Variants in CNDP1 observed in about 807,000 individuals in gnomAD.
CNDP1 encodes the protein carnosine dipeptidase 1, also known as beta-Ala-His dipeptidase.
A neutral mutation model predicts 58.1 loss-of-function variants in CNDP1; 44 were observed. The ratio of observed to expected loss-of-function variants is 0.76; its 90% confidence interval spans 0.60 to 0.97. The LOEUF is 0.97. Among genes scored for constraint, CNDP1 ranks in the 50% least tolerant of loss-of-function variants. The pLI is 0.00. For synonymous variants in CNDP1, 254 were observed against 252.6 expected, an observed-to-expected ratio of 1.01 and a Z score of -0.05; for missense variants, 616 against 655.1, an observed-to-expected ratio of 0.94 and a Z score of 0.65.
chr18:74,581,288 G>A (rs980542916), intron 10 of CNDP1, among the ~76,000 whole-genome samples: 2 of 150,024 alleles, frequency 1.3e-5, no homozygotes, highest in Non-Finnish European at 3.0e-5. Flanking sequence ...TTGCTTGGAC[G>A]TTGGACGGAC....
rs1419788219 is a variant in CNDP1 at position 74,544,442 on chromosome 18, C to T, written c.24+9751C>T. Among the ~76,000 whole-genome samples, 4 of 152,170 alleles carry T rather than the reference C, an allele frequency of 2.6e-5. No homozygotes were observed. The East Asian group carries it at 5.8e-4, about 22-fold the overall frequency. ...GTTATATAGTGATAAGAAGGCCGGGCACGGTGACTCATGCCTGTAATCCCA... is the reference window on the plus strand; with the variant it reads ...GTTATATAGTGATAAGAAGGCCGGGTACGGTGACTCATGCCTGTAATCCCA... On this transcript the variant is annotated intron_variant, in intron 1 of 11. Transcript: ENST00000358821.
intron 1 of CNDP1, among the ~76,000 whole-genome samples, chr18:74,548,830 AC>A (rs1193006530): frequency 2.0e-5 from 3 of 152,230 alleles, no homozygotes; most frequent in Non-Finnish European, 4.4e-5. Context: ...AGCAAAGCTC[AC>A]CCATGTTATG....
In CNDP1 at chr18:74,559,539, G is replaced by T. The variant is rs1981133361; in HGVS notation, c.303+67G>T. 15 of 1,492,002 alleles carry T rather than the reference G, an allele frequency of 1.0e-5. No individual in the cohort carries two copies. The Admixed American group carries it at 1.7e-4, about 17-fold the overall frequency. The allele number at this position is 1,492,002 out of a possible 1,614,324, so 92.4% of individuals were successfully genotyped here. On this transcript the variant is annotated intron_variant, in intron 3 of 11. Transcript: ENST00000358821. The stretch of plus-strand genomic sequence containing the variant: ...AGACGTCAGTCATGCCTTCCCGGGG[G>T]TGGCAAGGGAGAGGCTCACCCTGAT...
chr18:74,561,983 G>A (rs1403728341), intron 4 of CNDP1, 64 bp from the exon 5 acceptor site: 8 of 1,361,004 alleles, frequency 5.9e-6, no homozygotes, highest in Middle Eastern at 1.8e-4. Context: ...AAACGACATT[G>A]GTTTTTAACT....
At chr18:74,549,459 A>C (rs1324965347) in intron 1 of CNDP1, among the ~76,000 whole-genome samples, 1 of 152,172 alleles carries the variant, frequency 6.6e-6, no homozygotes, top group Non-Finnish European at 1.5e-5. Flanking sequence ...CTTCAGCCTC[A>C]AAGAGTGAGT....
At chr18:74,579,218 C>CCTTG (rs1981722285) in intron 9 of CNDP1, among the ~76,000 whole-genome samples, 4 of 140,194 alleles carry the variant, frequency 2.9e-5, no homozygotes, top group South Asian at 4.6e-4. Flanking sequence ...CCCTTCCCTT[C>CCTTG]CCTTCCCTTC....
intron 1 of CNDP1, among the ~76,000 whole-genome samples, chr18:74,547,879 G>A (rs928367116): frequency 1.4e-4 from 22 of 152,150 alleles, no homozygotes; most frequent in Non-Finnish European, 7.4e-5. Context: ...CTCAGCACAG[G>A]GGCACTTGGA....
At chr18:74,570,517 G>C (rs1981452914) in intron 6 of CNDP1, among the ~76,000 whole-genome samples, 1 of 151,990 alleles carries the variant, frequency 6.6e-6, no homozygotes, top group African/African-American at 2.4e-5. Flanking sequence ...GAATGTGTTT[G>C]GCTATGTCCT....
chr18:74,574,369 C>T (rs1048118887), intron 7 of CNDP1, among the ~76,000 whole-genome samples: 7 of 152,346 alleles, frequency 4.6e-5, no homozygotes, highest in Middle Eastern at 3.4e-3. Context: ...GTTTACAAAT[C>T]GAGCTCTAAC....
chr18:74,547,881 G>T (rs1489322655), intron 1 of CNDP1, among the ~76,000 whole-genome samples: 2 of 152,176 alleles, frequency 1.3e-5, no homozygotes, highest in African/African-American at 4.8e-5. Flanking sequence ...CAGCACAGGG[G>T]CACTTGGAAC....
rs200660466 is a variant in CNDP1, at chr18:74,580,137, G to A, written c.1175G>A (p.Arg392Gln). 89 of 1,612,546 alleles carry A rather than the reference G, an allele frequency of 5.5e-5. No individual in the cohort carries two copies. The highest frequency in any genetic ancestry group is 1.6e-4 in the Middle Eastern group (1 of 6,084). Reference sequence around the variant, plus strand: ...GAAAATGTCACCTTTTAGGTGACACGACATCTTGAAGATGTGTTCTCCAAA... The same window carrying A: ...GAAAATGTCACCTTTTAGGTGACACAACATCTTGAAGATGTGTTCTCCAAA... ...NVSAVEKQVT[R>Q]HLEDVFSKRN... The change falls in exon 10 of 12, where the codon CGA becomes CAA. Residue 392 changes from arginine (R) to glutamine (Q), a missense_variant. Physicochemically the swap from Arg to Gln is conservative, Grantham distance 43 (BLOSUM62 1). Coordinates refer to ENST00000358821, the MANE Select transcript of CNDP1 (RefSeq NM_032649.6).
chr18:74,541,606 G>T (rs1303703913), intron 1 of CNDP1, among the ~76,000 whole-genome samples: 1 of 152,150 alleles, frequency 6.6e-6, no homozygotes, highest in African/African-American at 2.4e-5. Context: ...GAGCCTGGGT[G>T]GTCTGTTGCA....
chr18:74,575,504 G>C (rs534780203), intron 7 of CNDP1, among the ~76,000 whole-genome samples: 2 of 152,154 alleles, frequency 1.3e-5, no homozygotes, highest in African/African-American at 4.8e-5. Flanking sequence ...CCTTTGATAC[G>C]TATTTTCTAC....
intron 10 of CNDP1, among the ~76,000 whole-genome samples, chr18:74,581,463 A>G (rs1981790235): frequency 6.6e-6 from 1 of 152,188 alleles, no homozygotes; most frequent in South Asian, 2.1e-4. Context: ...AGGCAGGCCA[A>G]GGAGATTCCA....
chr18:74,556,287 C>G, intron 1 of CNDP1, 51 bp from the exon 2 acceptor site: 1 of 1,595,046 alleles, frequency 6.3e-7, no homozygotes. Flanking sequence ...GTCCGAAGTC[C>G]AGCAACTGGC....
At chr18:74,548,172 A>G (rs1048455525) in intron 1 of CNDP1, among the ~76,000 whole-genome samples, 1 of 152,124 alleles carries the variant, frequency 6.6e-6, no homozygotes, top group Admixed American at 6.5e-5. Flanking sequence ...TAGATTTTCA[A>G]TGGGTGATGA....
chr18:74,573,460 C>CTATCTATGTATCTATG (rs1981549907), intron 7 of CNDP1, among the ~76,000 whole-genome samples: 2 of 102,276 alleles, frequency 2.0e-5, no homozygotes, highest in African/African-American at 8.5e-5. Flanking sequence ...ATGTATCTAT[C>CTATCTATGTATCTATG]TATCTATCTA....
At chr18:74,538,831 T>C (rs1305708125) in intron 1 of CNDP1, among the ~76,000 whole-genome samples, 1 of 152,226 alleles carries the variant, frequency 6.6e-6, no homozygotes, top group Non-Finnish European at 1.5e-5. Flanking sequence ...GATCTACCAT[T>C]TTAACCATGA....
At chr18:74,556,732 C>T (rs115722015) in intron 2 of CNDP1, among the ~76,000 whole-genome samples, 6 of 152,298 alleles carry the variant, frequency 3.9e-5, no homozygotes, top group African/African-American at 1.4e-4. Context: ...ATGACCAGCA[C>T]CTCCGCTGAG....
Sources: gnomAD v4.1 joint callset for allele counts (sites outside exome capture counted in the v4.1 genomes callset) on GRCh38, gnomAD v4.1.1 for gene constraint, MANE v1.5 for transcripts, NCBI Gene and HGNC (gene_info 2026-07-23, HGNC 2026-07-21) for gene names.